EIF4G3: variants seen among roughly 807,000 people sequenced by gnomAD.
The protein encoded by EIF4G3 is eukaryotic translation initiation factor 4 gamma 3.
Under a neutral mutation model 186.4 loss-of-function variants are expected in EIF4G3, and 34 were observed. The observed-to-expected ratio is 0.18, with a 90% CI of 0.14 to 0.24. The LOEUF is 0.24. Among genes scored for constraint, EIF4G3 ranks in the 10% least tolerant of loss-of-function variants. The probability of loss-of-function intolerance (pLI) is 1.00; values close to 1 mark genes in which losing one functional copy is unlikely to be tolerated. For missense variants in EIF4G3, 1,536 were observed against 1,948.5 expected, an observed-to-expected ratio of 0.79 and a Z score of 3.99; for synonymous variants, 673 against 679.5, an observed-to-expected ratio of 0.99 and a Z score of 0.15.
chr1:20,884,950 G>T (rs1455386397), intron 19 of EIF4G3, among the ~76,000 whole-genome samples: 1 of 152,132 alleles, frequency 6.6e-6, no homozygotes, highest in Non-Finnish European at 1.5e-5. Flanking sequence ...GAGGAAAGTG[G>T]TTTTTAGGAT....
chr1:21,030,023 T>A (rs2092593422), intron 4 of EIF4G3, among the ~76,000 whole-genome samples: 1 of 151,740 alleles, frequency 6.6e-6, no homozygotes, highest in African/African-American at 2.4e-5. Context: ...GCCCAACTAA[T>A]TTTTAAAAAT....
intron 24 of EIF4G3, among the ~76,000 whole-genome samples, chr1:20,859,612 T>C (rs1167342955): frequency 6.6e-6 from 1 of 152,254 alleles, no homozygotes; most frequent in African/African-American, 2.4e-5. Context: ...TGTTTTGTTT[T>C]GTTTTGAGAT....
At chr1:21,175,133 T>G (rs1027419831) in intron 2 of EIF4G3, 6 of 152,232 alleles carry the variant, frequency 3.9e-5, no homozygotes, top group Middle Eastern at 3.2e-3. Flanking sequence ...CAATCATTAT[T>G]TATTGATTTA....
At position 20,883,706 on chromosome 1, in the gene EIF4G3, A is replaced by G. The variant is rs557829189; in HGVS notation, c.2424+2495T>C. 7.9e-5 allele frequency among the ~76,000 whole-genome samples: 12 copies of G among 152,310 alleles called. No individual in the cohort carries two copies. The South Asian group carries it at 2.5e-3, about 32-fold the overall frequency. On this transcript the variant is annotated intron_variant, in intron 19 of 36. Coordinates refer to ENST00000602326, the MANE Select transcript of EIF4G3 (RefSeq NM_001391906.1). ...GCTAGGTAAAGGGAAGAAAAAAAATAAAGTAGATATTTTATGAAGGAGAAA... is the reference window on the plus strand; with the variant it reads ...GCTAGGTAAAGGGAAGAAAAAAAATGAAGTAGATATTTTATGAAGGAGAAA...
rs368168938 is a variant in EIF4G3, at chr1:21,094,765, T to TATAATAATAATA, written c.-271-5564_-271-5553dup. On this transcript the variant is annotated intron_variant, in intron 2 of 36. Coordinates refer to ENST00000602326, the MANE Select transcript of EIF4G3 (RefSeq NM_001391906.1). ...TGCACATGTACCCTAGAACTTAAAG[T>TATAATAATAATA]ATAATAATAATAATAATAATAATAA... Among the ~76,000 whole-genome samples, 1,363 of 140,872 alleles carry TATAATAATAATA rather than the reference T, an allele frequency of 9.7e-3. 10 individuals carry two copies. The highest frequency in any genetic ancestry group is 0.018 in the Middle Eastern group (5 of 274). 92.4% of individuals were successfully genotyped at this position (140,872 alleles called of 152,430 possible).
intron 24 of EIF4G3, among the ~76,000 whole-genome samples, 200 bp from the exon 25 acceptor site, chr1:20,857,697 G>C (rs142145268): frequency 6.6e-6 from 1 of 152,194 alleles, no homozygotes; most frequent in East Asian, 1.9e-4. Context: ...ATCAGCAGAA[G>C]CACTGCTTAT....
chr1:21,096,901 T>C (rs762142493), intron 2 of EIF4G3, among the ~76,000 whole-genome samples: 11 of 152,334 alleles, frequency 7.2e-5, no homozygotes, highest in Non-Finnish European at 1.0e-4. Context: ...GTAACTTTAA[T>C]GTGCTAGAAG....
At chr1:20,994,159 T>TTA (rs761423727) in intron 7 of EIF4G3, among the ~76,000 whole-genome samples, 8 of 152,244 alleles carry the variant, frequency 5.3e-5, no homozygotes, top group Non-Finnish European at 8.8e-5. Context: ...ATTAATTGTA[T>TTA]TATATACGGC....
chr1:21,160,632 C>T (rs2097751336), intron 2 of EIF4G3, among the ~76,000 whole-genome samples: 2 of 152,122 alleles, frequency 1.3e-5, no homozygotes, highest in Admixed American at 1.3e-4. Context: ...CATAACCTCG[C>T]CCCATTCATG....
At chr1:21,171,251 T>C (rs934093285) in intron 2 of EIF4G3, among the ~76,000 whole-genome samples, 5 of 152,236 alleles carry the variant, frequency 3.3e-5, no homozygotes, top group Non-Finnish European at 4.4e-5. Flanking sequence ...TTTCCTATTA[T>C]ATTAGCTCAA....
At position 21,163,622 on chromosome 1, in the gene EIF4G3, GA is replaced by G. The variant is rs1442735382; in HGVS notation, c.-272+12552del. 9.9e-5 allele frequency among the ~76,000 whole-genome samples: 15 copies of G among 152,258 alleles called. No individual in the cohort carries two copies. The East Asian group carries it at 2.1e-3, about 21-fold the overall frequency. On this transcript the variant is annotated intron_variant, in intron 2 of 36. Coordinates refer to ENST00000602326, the MANE Select transcript of EIF4G3 (RefSeq NM_001391906.1). The stretch of plus-strand genomic sequence containing the variant: ...TAAGCAACTGAAGAGTTTTTTTGTG[GA>G]AAGTCTTTATCCAAAACAAATAAAC...
chr1:21,076,801 T>C (rs917192162), intron 3 of EIF4G3, among the ~76,000 whole-genome samples: 2 of 152,124 alleles, frequency 1.3e-5, no homozygotes, highest in Non-Finnish European at 1.5e-5. Flanking sequence ...CAAAATGGAC[T>C]AAATATTTAA....
At chr1:21,094,571 T>C (rs946697527) in intron 2 of EIF4G3, among the ~76,000 whole-genome samples, 1 of 130,756 alleles carries the variant, frequency 7.6e-6, no homozygotes, top group African/African-American at 2.9e-5. Flanking sequence ...AACTGAACAA[T>C]GAGAACACTT....
chr1:21,071,744 T>A (rs1238976784), intron 3 of EIF4G3, among the ~76,000 whole-genome samples: 2 of 150,018 alleles, frequency 1.3e-5, no homozygotes, highest in African/African-American at 4.9e-5. Context: ...AGGCGGAGAT[T>A]GCAGTGAGTC....
intron 2 of EIF4G3, among the ~76,000 whole-genome samples, chr1:21,145,977 C>CCTAG (rs1404963324): frequency 1.3e-5 from 2 of 151,988 alleles, no homozygotes; most frequent in African/African-American, 4.8e-5. Context: ...GGACTGTAGT[C>CCTAG]CTAGCTACAC....
At chr1:20,920,015 TC>T (rs1479379396) in intron 14 of EIF4G3, among the ~76,000 whole-genome samples, 2 of 152,012 alleles carry the variant, frequency 1.3e-5, no homozygotes, top group Non-Finnish European at 1.5e-5. Flanking sequence ...CAAGTGATTC[TC>T]CTGCCTAAGC....
At chr1:20,958,231 GA>G in intron 12 of EIF4G3, among the ~76,000 whole-genome samples, 1 of 152,202 alleles carries the variant, frequency 6.6e-6, no homozygotes, top group East Asian at 1.9e-4. Flanking sequence ...CAAGGATGCA[GA>G]GATGGTTTAA....
intron 25 of EIF4G3, among the ~76,000 whole-genome samples, chr1:20,855,421 C>T (rs1459735434): frequency 1.3e-5 from 2 of 152,134 alleles, no homozygotes; most frequent in Admixed American, 6.5e-5. Context: ...AATACAAATA[C>T]TACAAAATTA....
chr1:20,809,420 A>G (rs2058786048), intron 36 of EIF4G3, among the ~76,000 whole-genome samples: 1 of 152,224 alleles, frequency 6.6e-6, no homozygotes, highest in Non-Finnish European at 1.5e-5. Flanking sequence ...GAAGTACCAA[A>G]GAACTACTTG....
Sources: allele counts gnomAD v4.1 joint callset (sites outside exome capture counted in the v4.1 genomes callset), GRCh38; gene constraint gnomAD v4.1.1; transcripts MANE v1.5; gene names NCBI Gene and HGNC (gene_info 2026-07-23, HGNC 2026-07-21).